The following SLC2A13 variants were observed in gnomAD, a reference collection of about 807,000 sequenced individuals.
The protein encoded by SLC2A13 is proton myo-inositol cotransporter.
Under a neutral mutation model 64.4 loss-of-function variants are expected in SLC2A13, and 32 were observed. That is an observed-to-expected ratio of 0.50 (90% CI 0.37 to 0.67). The LOEUF (loss-of-function observed/expected upper bound fraction) is 0.67. SLC2A13 is among the 30% of genes least tolerant of loss of function. SLC2A13 has a pLI of 0.00. For missense variants in SLC2A13, 743 were observed against 829.2 expected (o/e 0.90, Z 1.28); for synonymous variants, 338 against 327.1 (o/e 1.03, Z -0.36).
Position 39,830,227 on chromosome 12 carries a change from A to G in SLC2A13, c.1321T>C (p.Tyr441His). 1 of 1,611,950 alleles carries G rather than the reference A, an allele frequency of 6.2e-7. No individual in the cohort carries two copies. The highest frequency in any genetic ancestry group is 8.5e-7 in the Non-Finnish European group (1 of 1,178,692). The change falls in exon 7 of 10, where the codon TAC becomes CAC. Residue 441 changes from tyrosine to histidine, a missense_variant and splice_region_variant. Physicochemically the swap from Tyr to His is moderately conservative, Grantham distance 83. Around this residue, in one of 2 missense-constraint regions of SLC2A13, gnomAD observed 295 missense variants for 381.7 expected, o/e 0.77. Coordinates refer to ENST00000280871, the MANE Select transcript of SLC2A13 (RefSeq NM_052885.4). ...GGATCCAACATACATTCATTACAGT[A>G]ACTGAAAAATGAAAAGAGTTACCGT... is the stretch of plus-strand genomic sequence containing the variant. The part of the protein sequence containing the change: ...GQNATCTRYS[Y>H]CNECMLDPDC...
chr12:39,896,574 ATG>A (rs138064379), intron 4 of SLC2A13, among the ~76,000 whole-genome samples: 36,559 of 137,226 alleles, frequency 0.27, 5,383 homozygotes, highest in East Asian at 0.62. Context: ...ATATGTATGT[ATG>A]TGTGTATATA....
chr12:39,801,455 A>G (rs1941789402), intron 7 of SLC2A13, among the ~76,000 whole-genome samples: 1 of 152,126 alleles, frequency 6.6e-6, no homozygotes, highest in Admixed American at 6.6e-5. Context: ...GAAAATGACA[A>G]TCTGCTTGAG....
chr12:39,950,915 G>A lies in SLC2A13; in HGVS notation c.1034+342C>T, dbSNP rs1946217238. The A allele has an allele frequency of 1.3e-5, 4 of 310,482 alleles. No individual in the cohort carries two copies. In the East Asian group the frequency reaches 1.6e-4, roughly 13 times the overall value. The allele number at this position is 310,482 out of a possible 1,614,324, so 19.2% of individuals were successfully genotyped here. ...TGCCCATAATCTCTGGCAATGCCAGGTGATTTCCTTCTATTTTGCTTTCCA... is the reference window on the plus strand; with the variant it reads ...TGCCCATAATCTCTGGCAATGCCAGATGATTTCCTTCTATTTTGCTTTCCA... On this transcript the variant is annotated intron_variant, in intron 4 of 9. Transcript: ENST00000280871.
At chr12:39,905,055 C>T (rs1400829061) in intron 4 of SLC2A13, among the ~76,000 whole-genome samples, 2 of 152,146 alleles carry the variant, frequency 1.3e-5, no homozygotes, top group African/African-American at 2.4e-5. Flanking sequence ...ACCAAATTAA[C>T]TTGAAGAATG....
At chr12:40,065,454 G>A (rs369043476) in intron 1 of SLC2A13, among the ~76,000 whole-genome samples, 1 of 151,822 alleles carries the variant, frequency 6.6e-6, no homozygotes, top group East Asian at 1.9e-4. Flanking sequence ...GCATGGTAGT[G>A]CATGCCTGTA....
intron 4 of SLC2A13, among the ~76,000 whole-genome samples, chr12:39,875,970 G>A (rs969105437): frequency 6.6e-6 from 1 of 152,102 alleles, no homozygotes; most frequent in South Asian, 2.1e-4. Flanking sequence ...ATGCATAAAA[G>A]AACAATATGA....
chr12:40,085,161 A>C (rs1592071261), intron 1 of SLC2A13, among the ~76,000 whole-genome samples: 1 of 152,368 alleles, frequency 6.6e-6, no homozygotes, highest in Middle Eastern at 3.4e-3. Context: ...CCACCTCCAC[A>C]GGGACAAAAT....
intron 7 of SLC2A13, among the ~76,000 whole-genome samples, chr12:39,824,858 T>C (rs1942626593): frequency 6.6e-6 from 1 of 151,922 alleles, no homozygotes; most frequent in South Asian, 2.1e-4. Flanking sequence ...AAAAATAAAA[T>C]AGACTTCAGG....
intron 7 of SLC2A13, among the ~76,000 whole-genome samples, chr12:39,784,190 C>T (rs1291173425): frequency 3.9e-5 from 6 of 152,140 alleles, no homozygotes; most frequent in African/African-American, 1.2e-4. Flanking sequence ...CATCAAGCTA[C>T]CAATGACTTT....
chr12:39,756,809 T>A lies in SLC2A13; in HGVS notation c.*3217A>T, dbSNP rs895937281. On this transcript the variant is annotated 3_prime_UTR_variant, in exon 10 of 10. Transcript: ENST00000280871. ...CTTTTACTGATTTCCCCTTTTAGAG[T>A]GAATAACTTAATATTTAGACTCTTA... 2.0e-5 allele frequency: 3 copies of A among 151,638 alleles called. No homozygotes were observed. Among genetic ancestry groups the A allele is most frequent in the Non-Finnish European group, 3.0e-5 (2 of 67,656 alleles). 9.4% of individuals were successfully genotyped at this position (151,638 alleles called of 1,614,324 possible). A position where few individuals can be genotyped will look rare whatever the true frequency, so the allele number is the denominator to read the frequency against.
At chr12:39,823,721 C>A (rs955842865) in intron 7 of SLC2A13, among the ~76,000 whole-genome samples, 2 of 152,156 alleles carry the variant, frequency 1.3e-5, no homozygotes, top group Non-Finnish European at 2.9e-5. Context: ...GTAGCTGGGA[C>A]TACAGGAATG....
chr12:39,823,618 A>ATATTAT (rs71075088), intron 7 of SLC2A13, among the ~76,000 whole-genome samples: 2 of 151,550 alleles, frequency 1.3e-5, no homozygotes, highest in African/African-American at 2.4e-5. Flanking sequence ...GATGATGATG[A>ATATTAT]TATTATTATT....
At chr12:39,810,829 AT>A (rs1225018669) in intron 7 of SLC2A13, among the ~76,000 whole-genome samples, 1 of 152,098 alleles carries the variant, frequency 6.6e-6, no homozygotes, top group African/African-American at 2.4e-5. Flanking sequence ...GCTGGATTCA[AT>A]TTGAGAATTT....
chr12:40,055,334 C>T (rs959310196), intron 1 of SLC2A13, among the ~76,000 whole-genome samples: 8 of 152,188 alleles, frequency 5.3e-5, no homozygotes, highest in African/African-American at 1.9e-4. Context: ...GTATCACAAA[C>T]ATGTCATCAG....
chr12:40,042,459 AT>A (rs1565602206), intron 2 of SLC2A13, among the ~76,000 whole-genome samples: 2 of 152,258 alleles, frequency 1.3e-5, no homozygotes, highest in Non-Finnish European at 2.9e-5. Flanking sequence ...AAGGAGATAA[AT>A]TTTCATAGGC....
At chr12:40,036,813 G>A (rs556734697) in intron 2 of SLC2A13, among the ~76,000 whole-genome samples, 165 of 152,312 alleles carry the variant, frequency 1.1e-3, no homozygotes, top group Non-Finnish European at 1.5e-4. Flanking sequence ...GAATGTAAGT[G>A]ATGATAGTGG....
intron 3 of SLC2A13, among the ~76,000 whole-genome samples, chr12:39,963,763 A>G (rs1245072745): frequency 6.6e-6 from 1 of 152,222 alleles, no homozygotes; most frequent in Admixed American, 6.5e-5. Context: ...TTTAAGTTTT[A>G]TATGGATATT....
intron 7 of SLC2A13, among the ~76,000 whole-genome samples, chr12:39,768,430 A>C (rs773940275): frequency 3.9e-5 from 6 of 152,256 alleles, no homozygotes; most frequent in Non-Finnish European, 2.9e-5. Context: ...CAAGAGGCCT[A>C]GCTTTCAGCC....
intron 1 of SLC2A13, among the ~76,000 whole-genome samples, chr12:40,074,910 C>T (rs559406108): frequency 6.6e-6 from 1 of 152,286 alleles, no homozygotes; most frequent in South Asian, 2.1e-4. Flanking sequence ...TCTCTTCTCT[C>T]TTAGTTGGAA....
Sources: allele counts gnomAD v4.1 joint callset (sites outside exome capture counted in the v4.1 genomes callset), GRCh38; gene constraint gnomAD v4.1.1; regional missense constraint gnomAD v4.1.1; transcripts MANE v1.5; gene names NCBI Gene and HGNC (gene_info 2026-07-23, HGNC 2026-07-21).